Variants in NUMB observed in about 807,000 individuals in gnomAD.
The protein encoded by NUMB is NUMB endocytic adaptor protein.
In NUMB, 29 loss-of-function variants were observed where a neutral mutation model predicts 59.7. The observed-to-expected ratio is 0.49, with a 90% confidence interval of 0.36 to 0.66. The LOEUF (loss-of-function observed/expected upper bound fraction) is 0.66, where lower values mean the gene tolerates loss of function less well. Among genes scored for constraint, NUMB ranks in the 30% least tolerant of loss-of-function variants. The pLI, the probability that NUMB is intolerant of heterozygous loss-of-function variation, is 0.00. For synonymous variants in NUMB, 288 were observed against 288.2 expected (o/e 1.00, Z 0.01); for missense variants, 723 against 822.0 (o/e 0.88, Z 1.47).
intron 4 of NUMB, among the ~76,000 whole-genome samples, chr14:73,345,942 A>C (rs567262537): frequency 6.6e-6 from 1 of 152,110 alleles, no homozygotes; most frequent in African/African-American, 2.4e-5. Context: ...AAATTTAAAG[A>C]TATTTAATTC....
chr14:73,351,570 A>T lies in NUMB; in HGVS notation c.126+4056T>A, dbSNP rs1467169321. 3.3e-5 allele frequency among the ~76,000 whole-genome samples: 5 copies of T among 152,006 alleles called. No individual in the cohort carries two copies. The East Asian group carries it at 7.7e-4, about 23-fold the overall frequency. ...CTTTTCTAATACCACATTCTTGCTT[A>T]AAAAAAACTATTTACAGAGTTTGGG... On this transcript the variant is annotated intron_variant, in intron 4 of 12. Transcript: ENST00000555238.
At chr14:73,307,638 A>G (rs1890526194) in intron 6 of NUMB, among the ~76,000 whole-genome samples, 1 of 152,134 alleles carries the variant, frequency 6.6e-6, no homozygotes, top group African/African-American at 2.4e-5. Context: ...GCAATGGCCT[A>G]CAAGGCCTAA....
At chr14:73,399,764 C>T (rs1375148740) in intron 2 of NUMB, among the ~76,000 whole-genome samples, 1 of 151,706 alleles carries the variant, frequency 6.6e-6, no homozygotes, top group African/African-American at 2.4e-5. Context: ...AATAAACAGG[C>T]CAGGCATGGT....
intron 9 of NUMB, chr14:73,286,651 C>T (rs552278664): frequency 6.0e-6 from 1 of 166,144 alleles, no homozygotes; most frequent in Non-Finnish European, 1.3e-5. Flanking sequence ...GACTAGAAAG[C>T]ACTAAAAAAC....
intron 1 of NUMB, among the ~76,000 whole-genome samples, chr14:73,437,257 G>C (rs1470814479): frequency 6.6e-6 from 1 of 152,040 alleles, no homozygotes; most frequent in Non-Finnish European, 1.5e-5. Context: ...TGTTGCCCAG[G>C]CTGGCCTGGA....
chr14:73,435,526 A>AGC (rs1372657706), intron 1 of NUMB, among the ~76,000 whole-genome samples: 1 of 151,066 alleles, frequency 6.6e-6, no homozygotes, highest in Non-Finnish European at 1.5e-5. Context: ...TGCCCGCCTC[A>AGC]GCCTCCCAAT....
At chr14:73,345,353 G>A (rs964924970) in intron 4 of NUMB, among the ~76,000 whole-genome samples, 8 of 152,130 alleles carry the variant, frequency 5.3e-5, no homozygotes, top group African/African-American at 1.7e-4. Flanking sequence ...CTTGAGGTGG[G>A]AGGGTGATGG....
chr14:73,308,012 C>T (rs28704821), intron 6 of NUMB, among the ~76,000 whole-genome samples: 11,417 of 151,850 alleles, frequency 0.075, 1,029 homozygotes, highest in African/African-American at 0.21. Flanking sequence ...GGATTACAGG[C>T]GTGAGCCACC....
Position 73,276,445 on chromosome 14 carries a change from T to C in NUMB, c.*133A>G. ...ATCACCCCTCACAGTACTCTGGGCC[T>C]GGACTTGTTCCTTGGGACCTTTGGG... On this transcript the variant is annotated 3_prime_UTR_variant, in exon 13 of 13. Coordinates refer to ENST00000555238, the MANE Select transcript of NUMB (RefSeq NM_001005743.2). 1 of 685,006 alleles carries C rather than the reference T, an allele frequency of 1.5e-6. No individual in the cohort carries two copies. The highest frequency in any genetic ancestry group is 1.8e-5 in the African/African-American group (1 of 55,514). The allele number at this position is 685,006 out of a possible 1,614,324, so 42.4% of individuals were successfully genotyped here.
At chr14:73,358,536 G>A (rs1027204168) in intron 3 of NUMB, among the ~76,000 whole-genome samples, 2 of 150,466 alleles carry the variant, frequency 1.3e-5, no homozygotes, top group African/African-American at 4.9e-5. Flanking sequence ...ACCTGTGCAT[G>A]TCTGGTTAAA....
chr14:73,332,441 A>T lies in NUMB; in HGVS notation c.127-9237T>A, dbSNP rs192585500. Among the ~76,000 whole-genome samples the T allele has an allele frequency of 5.7e-4, 86 of 151,814 alleles. 1 individual carries two copies. The highest frequency in any genetic ancestry group is 2.0e-3 in the African/African-American group (84 of 41,384). On this transcript the variant is annotated intron_variant, in intron 4 of 12. Coordinates refer to ENST00000555238, the MANE Select transcript of NUMB (RefSeq NM_001005743.2). ...GCTAATTTTTGTATTTTTAGTAGAG[A>T]TAGAGTTTCACCATGTTGGCCAGGC...
At chr14:73,447,650 G>A (rs1443484761) in intron 1 of NUMB, among the ~76,000 whole-genome samples, 3 of 146,456 alleles carry the variant, frequency 2.0e-5, no homozygotes, top group Non-Finnish European at 3.0e-5. Flanking sequence ...ACAAACCTGC[G>A]CAACATAGAA....
chr14:73,345,497 T>TA (rs1421256962), intron 4 of NUMB, among the ~76,000 whole-genome samples: 1 of 152,176 alleles, frequency 6.6e-6, no homozygotes, highest in Non-Finnish European at 1.5e-5. Flanking sequence ...ATAAAAGATT[T>TA]AAAAAAATCA....
chr14:73,326,546 G>A (rs1891672818), intron 4 of NUMB, among the ~76,000 whole-genome samples: 4 of 151,870 alleles, frequency 2.6e-5, no homozygotes, highest in Admixed American at 2.6e-4. Context: ...AGAATTGCTT[G>A]AACCTGGCAG....
At chr14:73,341,703 C>A (rs1473414745) in intron 4 of NUMB, among the ~76,000 whole-genome samples, 1 of 152,070 alleles carries the variant, frequency 6.6e-6, no homozygotes, top group Non-Finnish European at 1.5e-5. Context: ...TTACAGGTTA[C>A]CATGCCTGTT....
At chr14:73,407,097 C>A (rs1276531912) in intron 2 of NUMB, among the ~76,000 whole-genome samples, 1 of 151,996 alleles carries the variant, frequency 6.6e-6, no homozygotes, top group Non-Finnish European at 1.5e-5. Flanking sequence ...CCCACCTGGG[C>A]CTCCCAAGGT....
intron 2 of NUMB, among the ~76,000 whole-genome samples, chr14:73,373,368 T>C (rs961794172): frequency 6.6e-6 from 1 of 152,244 alleles, no homozygotes; most frequent in African/African-American, 2.4e-5. Context: ...CTGTCTTCAG[T>C]TAAAGCTGCT....
At chr14:73,382,979 C>G (rs564028983) in intron 2 of NUMB, among the ~76,000 whole-genome samples, 19 of 152,274 alleles carry the variant, frequency 1.2e-4, no homozygotes, top group African/African-American at 2.9e-4. Flanking sequence ...AACCCTGTCT[C>G]TACCAAAAAT....
intron 2 of NUMB, among the ~76,000 whole-genome samples, chr14:73,395,037 TTGTGTGTGTGTGTGTGTGTGTG>T (rs3028731): frequency 0.012 from 1,458 of 119,986 alleles, 29 homozygotes; most frequent in African/African-American, 0.043. Flanking sequence ...ATTCGTGTGT[TTGTGTGTGTGTGTGTGTGTGTG>T]TGTGTGTGTG....
Sources: allele counts gnomAD v4.1 joint callset (sites outside exome capture counted in the v4.1 genomes callset), GRCh38; gene constraint gnomAD v4.1.1; transcripts MANE v1.5; gene names NCBI Gene and HGNC (gene_info 2026-07-23, HGNC 2026-07-21).